Variants in HPSE observed in about 807,000 individuals in gnomAD.
HPSE encodes heparanase.
In HPSE, 48 loss-of-function variants were observed where a neutral mutation model predicts 65.1. That is an observed-to-expected ratio of 0.74 (90% CI 0.58 to 0.94). HPSE has a LOEUF of 0.94. HPSE is among the 40% of genes least tolerant of loss of function. The pLI is 0.00. For synonymous variants in HPSE, 243 were observed against 260.0 expected (o/e 0.93, Z 0.63); for missense variants, 644 against 637.5 (o/e 1.01, Z -0.11).
chr4:83,304,376 A>G (rs1344071141), intron 9 of HPSE, among the ~76,000 whole-genome samples: 4 of 152,144 alleles, frequency 2.6e-5, no homozygotes, highest in Admixed American at 1.3e-4. Context: ...CTTTTCTTCT[A>G]TGTGTTTCTT....
At chr4:83,323,557 T>C (rs150941574) in intron 1 of HPSE, among the ~76,000 whole-genome samples, 30 of 152,074 alleles carry the variant, frequency 2.0e-4, no homozygotes, top group African/African-American at 7.2e-4. Flanking sequence ...TTTTAAAAAG[T>C]CTTCACACAC....
In HPSE at chr4:83,330,926, C is replaced by T. The variant is rs144218411; in HGVS notation, c.227+3630G>A. On this transcript the variant is annotated intron_variant, in intron 1 of 11. Transcript: ENST00000311412. Reference sequence around the variant, plus strand: ...GCTTGAAATATAGTTAATCTGAGGCCGGGTGCAGTGGCTCACGCCTGTAAT... The same window carrying T: ...GCTTGAAATATAGTTAATCTGAGGCTGGGTGCAGTGGCTCACGCCTGTAAT... Among the ~76,000 whole-genome samples, 327 of 152,156 alleles carry T rather than the reference C, an allele frequency of 2.1e-3. 2 individuals carry two copies. Among genetic ancestry groups the T allele is most frequent in the African/African-American group, 6.5e-3 (271 of 41,510 alleles).
chr4:83,334,831 GTCGAGAGC>G lies in HPSE; in HGVS notation c.-57_-50del. 6.8e-7 allele frequency: 1 copy of G among 1,469,552 alleles called. No homozygotes were observed. The highest frequency in any genetic ancestry group is 9.0e-7 in the Non-Finnish European group (1 of 1,113,234). The allele number at this position is 1,469,552 out of a possible 1,614,324, so 91.0% of individuals were successfully genotyped here. A position where few individuals can be genotyped will look rare whatever the true frequency, so the allele number is the denominator to read the frequency against. On this transcript the variant is annotated 5_prime_UTR_variant, in exon 1 of 12. Coordinates refer to ENST00000311412, the MANE Select transcript of HPSE (RefSeq NM_001098540.3). ...CCCGCCAGCTGCCGCGCAGCGGAGAGTCGAGAGCTCTAGCACTTCCTCCCGCCGAGCCC... is the reference window on the plus strand; with the variant it reads ...CCCGCCAGCTGCCGCGCAGCGGAGAGTCTAGCACTTCCTCCCGCCGAGCCC...
intron 1 of HPSE, among the ~76,000 whole-genome samples, chr4:83,327,121 T>C (rs1737186127): frequency 6.6e-6 from 1 of 152,224 alleles, no homozygotes; most frequent in Non-Finnish European, 1.5e-5. Flanking sequence ...GGGACCTGAC[T>C]GACTTATCAG....
chr4:83,299,363 C>CAAA (rs757562812), intron 11 of HPSE, among the ~76,000 whole-genome samples: 26 of 90,990 alleles, frequency 2.9e-4, no homozygotes, highest in South Asian at 1.5e-3. Flanking sequence ...GACTCTGTCT[C>CAAA]AAAAAAAAAA....
At chr4:83,322,785 TTGTTTGTGTGTGTGTGTGTGTGTGTGTG>T (rs1397740597) in intron 1 of HPSE, among the ~76,000 whole-genome samples, 4 of 78,820 alleles carry the variant, frequency 5.1e-5, no homozygotes, top group Admixed American at 3.0e-4. Context: ...TGGCAAGAGC[TTGTTTGTGTGTGTGTGTGTGTGTGTGTG>T]TGTGTGTGTG....
intron 1 of HPSE, among the ~76,000 whole-genome samples, chr4:83,328,742 TGGGAAAGGCTTG>T (rs33968707): frequency 0.99 from 149,134 of 150,594 alleles, 73,870 homozygotes; most frequent in East Asian, 1. Flanking sequence ...GTAATTGAGA[TGGGAAAGGCTTG>T]GGGAAAGGCT....
In HPSE at chr4:83,304,846, A is replaced by G. The variant is rs112978997; in HGVS notation, c.1206+1357T>C. 1.1e-4 allele frequency among the ~76,000 whole-genome samples: 16 copies of G among 152,274 alleles called. 1 individual carries two copies. Among genetic ancestry groups the G allele is most frequent in the African/African-American group, 3.9e-4 (16 of 41,552 alleles). On this transcript the variant is annotated intron_variant, in intron 9 of 11. Coordinates refer to ENST00000311412, the MANE Select transcript of HPSE (RefSeq NM_001098540.3). ...TCAAAGGAGACATAAGCATGGGTCA[A>G]TGACTGGTAGGGTAGAAAGTATGCA...
intron 1 of HPSE, among the ~76,000 whole-genome samples, chr4:83,322,671 A>G (rs182852810): frequency 2.0e-5 from 3 of 152,118 alleles, no homozygotes; most frequent in African/African-American, 4.8e-5. Context: ...CTTATTGGGC[A>G]TGATAGAAAG....
intron 9 of HPSE, among the ~76,000 whole-genome samples, chr4:83,304,363 G>T (rs545057596): frequency 1.2e-3 from 179 of 152,302 alleles, no homozygotes; most frequent in Non-Finnish European, 2.2e-3. Flanking sequence ...GAAGGACAGA[G>T]AACTTTTCTT....
At chr4:83,328,318 C>T (rs900975724) in intron 1 of HPSE, among the ~76,000 whole-genome samples, 4 of 152,190 alleles carry the variant, frequency 2.6e-5, no homozygotes, top group African/African-American at 9.7e-5. Flanking sequence ...GACTCCAACT[C>T]CATAACTCCT....
chr4:83,297,594 T>A (rs1276572291), intron 11 of HPSE, among the ~76,000 whole-genome samples: 8 of 152,208 alleles, frequency 5.3e-5, no homozygotes, highest in African/African-American at 1.9e-4. Flanking sequence ...CCTGTCCTCA[T>A]TAAGCATCAG....
Position 83,309,982 on chromosome 4 carries a change from A to T in HPSE, c.890+49T>A, listed in dbSNP as rs560761426. The T allele has an allele frequency of 3.5e-4, 483 of 1,383,970 alleles. 6 individuals are homozygous for T. In the South Asian group the frequency reaches 5.1e-3, roughly 15 times the overall value. The allele number at this position is 1,383,970 out of a possible 1,614,324, so 85.7% of individuals were successfully genotyped here. A position where few individuals can be genotyped will look rare whatever the true frequency, so the allele number is the denominator to read the frequency against. On this transcript the variant is annotated intron_variant, in intron 6 of 11. Transcript: ENST00000311412. ...TAACTTTTTGAATACTAGGTAATAA[A>T]TAAAGCTAGCCTTACTTTCCTAGTA...
Position 83,310,842 on chromosome 4 carries a change from T to G in HPSE, c.722A>C (p.Gln241Pro). 1 of 1,613,916 alleles carries G rather than the reference T, an allele frequency of 6.2e-7. No homozygotes were observed. The highest frequency in any genetic ancestry group is 8.5e-7 in the Non-Finnish European group (1 of 1,179,804). ...KKADIFINGSQLGEDFIQLHK... is the reference protein window; with the variant it reads ...KKADIFINGSPLGEDFIQLHK... ...CAATTGAATAAAATCTTCTCCTAACTGCGACCCATTGATGAAAATATCAGC... is the reference window on the plus strand; with the variant it reads ...CAATTGAATAAAATCTTCTCCTAACGGCGACCCATTGATGAAAATATCAGC... The change falls in exon 5 of 12, where the codon CAG becomes CCG. Residue 241 changes from glutamine (Q) to proline (P), a missense_variant. Gln to Pro is a moderately conservative substitution (Grantham distance 76). Coordinates refer to ENST00000311412, the MANE Select transcript of HPSE (RefSeq NM_001098540.3).
chr4:83,308,977 T>C, intron 7 of HPSE, 26 bp from the exon 8 acceptor site: 2 of 1,585,530 alleles, frequency 1.3e-6, no homozygotes, highest in Non-Finnish European at 1.7e-6. Context: ...GTATCCATGG[T>C]AATTGCAAAA....
intron 11 of HPSE, among the ~76,000 whole-genome samples, chr4:83,298,372 C>T (rs2126181834): frequency 6.6e-6 from 1 of 152,236 alleles, no homozygotes; most frequent in East Asian, 1.9e-4. Context: ...TGAGGTGGGT[C>T]ATGCCTGTAA....
At chr4:83,308,803 G>A (rs774742405) in intron 8 of HPSE, 42 bp downstream of exon 8, 3 of 1,414,300 alleles carry the variant, frequency 2.1e-6, no homozygotes, top group Non-Finnish European at 2.0e-6. Context: ...GGATGGAGAA[G>A]AGCTGCACTC....
Position 83,292,790 on chromosome 4 carries a change from T to C in HPSE, c.*2554A>G, listed in dbSNP as rs1735594998. On this transcript the variant is annotated 3_prime_UTR_variant, in exon 12 of 12. Coordinates refer to ENST00000311412, the MANE Select transcript of HPSE (RefSeq NM_001098540.3). ...ACCAAATACTGCATGTTCTCACTTA[T>C]AAGTGGAAGCTTAGCTGTAGGTACA... is the stretch of plus-strand genomic sequence containing the variant. 1 of 152,220 alleles carries C rather than the reference T, an allele frequency of 6.6e-6. No homozygotes were observed. The highest frequency in any genetic ancestry group is 2.4e-5 in the African/African-American group (1 of 41,458). 9.4% of individuals were successfully genotyped at this position (152,220 alleles called of 1,614,324 possible).
Position 83,322,180 on chromosome 4 carries a change from G to A in HPSE, c.373+39C>T, listed in dbSNP as rs748720096. 5.1e-6 allele frequency: 8 copies of A among 1,565,210 alleles called. No homozygotes were observed. The Admixed American group carries it at 5.2e-5, about 10-fold the overall frequency. ...CAAAGCATTCTCATGACGGACTGAC[G>A]TTAATTAAAATATAGAGTGAATCTT... On this transcript the variant is annotated intron_variant, in intron 2 of 11. Transcript: ENST00000311412.
Sources: allele counts gnomAD v4.1 joint callset (sites outside exome capture counted in the v4.1 genomes callset), GRCh38; gene constraint gnomAD v4.1.1; transcripts MANE v1.5; gene names NCBI Gene and HGNC (gene_info 2026-07-23, HGNC 2026-07-21).